The following PLEC variants were observed in gnomAD, a reference collection of about 807,000 sequenced individuals.
The protein encoded by PLEC is plectin, also known as hemidesmosomal protein 1.
PLEC carries 216 observed loss-of-function variants against 392.8 expected under a neutral mutation model. That is an observed-to-expected ratio of 0.55 (90% CI 0.49 to 0.62). The LOEUF (loss-of-function observed/expected upper bound fraction) is 0.62, where lower values mean the gene tolerates loss of function less well. PLEC is among the 20% of genes least tolerant of loss of function. The probability of loss-of-function intolerance (pLI) is 0.00; values close to 1 mark genes in which losing one functional copy is unlikely to be tolerated. For missense variants in PLEC, 6,863 were observed against 6,563.4 expected (o/e 1.05, Z -1.58); for synonymous variants, 3,621 against 2,980.6 (o/e 1.21, Z -7.00).
chr8:143,959,407 C>T (rs569629740), intron 1 of PLEC, among the ~76,000 whole-genome samples: 139 of 152,372 alleles, frequency 9.1e-4, no homozygotes, highest in Non-Finnish European at 1.6e-3. Flanking sequence ...TCGGTCAGAG[C>T]TGATGCAGGG....
intron 1 of PLEC, among the ~76,000 whole-genome samples, chr8:143,948,951 C>T (rs62523989): frequency 7.9e-5 from 12 of 152,226 alleles, no homozygotes; most frequent in South Asian, 6.2e-4. Context: ...TCTCATGCCT[C>T]CTGTCGGGAG....
At position 143,930,534 on chromosome 8, in the gene PLEC, G is replaced by A. The variant is rs781821809; in HGVS notation, c.2307C>T (p.Asp769=). Residue 769 remains aspartate (D), a splice_region_variant and synonymous_variant, in exon 20 of 32, where the codon GAC becomes GAT. Coordinates refer to ENST00000345136, the MANE Select transcript of PLEC (RefSeq NM_201384.3). ...TGTACTCGTTCAGCTGTTCCTTCTCGTCCTGTGGGGGAGGGGCAGCATCCA... is the reference window on the plus strand; with the variant it reads ...TGTACTCGTTCAGCTGTTCCTTCTCATCCTGTGGGGGAGGGGCAGCATCCA... ...RLEDLLQDAQ[D]EKEQLNEYKG... is the part of the protein sequence containing the mutation. 4.0e-5 allele frequency: 64 copies of A among 1,588,290 alleles called. No homozygotes were observed. The South Asian group carries it at 4.8e-4, about 12-fold the overall frequency.
In PLEC at chr8:143,922,735, G is replaced by C. The variant is rs541134948; in HGVS notation, c.7194C>G (p.Arg2398=). The change falls in exon 31 of 32, where the codon CGC becomes CGG. Residue 2398 remains arginine (R), a synonymous_variant. Coordinates refer to ENST00000345136, the MANE Select transcript of PLEC (RefSeq NM_201384.3). ...RVAEMSRAQA[R]AEEDAQRFRK... ...GGAAGCGCTGGGCGTCCTCCTCAGC[G>C]CGGGCCTGGGCTCGGCTCATCTCGG... The C allele has an allele frequency of 1.2e-6, 2 of 1,610,808 alleles. No homozygotes were observed. The highest frequency in any genetic ancestry group is 2.7e-5 in the African/African-American group (2 of 74,858).
At position 143,969,867 on chromosome 8, in the gene PLEC, G is replaced by T. The variant is rs1833327837; in HGVS notation, c.70+3536C>A. On this transcript the variant is annotated intron_variant, in intron 1 of 31. Coordinates refer to the PLEC transcript ENST00000356346. This position sits in a 1 kb window ranked among gnomAD's most constrained non-coding sequence, Gnocchi z 5.1. ...GAATGAGGCCGGGGTGAGTACCGTT[G>T]GTGAGTGGGTGGCGTTGGTGTGGGG... Among the ~76,000 whole-genome samples, 1 of 151,928 alleles carries T rather than the reference G, an allele frequency of 6.6e-6. No homozygotes were observed. Among genetic ancestry groups the T allele is most frequent in the Non-Finnish European group, 1.5e-5 (1 of 67,942 alleles).
upstream of PLEC, among the ~76,000 whole-genome samples, chr8:143,942,790 G>A (rs782391313): frequency 6.6e-6 from 1 of 152,228 alleles, no homozygotes. Flanking sequence ...ATGGGAGGGG[G>A]CCTCCCAGCA....
chr8:143,925,365 T>C lies in PLEC; in HGVS notation c.4564A>G (p.Lys1522Glu). 1 of 1,558,342 alleles carries C rather than the reference T, an allele frequency of 6.4e-7. No homozygotes were observed. The highest frequency in any genetic ancestry group is 1.2e-5 in the South Asian group (1 of 86,770). ...TCGCGCGCCGCCTCGGCCTCGGCCT[T>C]CACGCGCGAGGCCAGCTCCACCTCC... ...QAEVELASRV[K>E]AEAEAAREKQ... The change falls in exon 31 of 32, where the codon AAG becomes GAG. Residue 1522 changes from lysine (K) to glutamate (E), a missense_variant. By Grantham distance (56) the Lys-to-Glu change is moderately conservative. Coordinates refer to ENST00000345136, the MANE Select transcript of PLEC (RefSeq NM_201384.3).
At position 143,919,511 on chromosome 8, in the gene PLEC, C is replaced by T; in HGVS notation, c.10310G>A (p.Arg3437Lys). Residue 3437 changes from arginine to lysine, a missense_variant, in exon 32 of 32, where the codon AGA becomes AAA. Physicochemically the swap from Arg to Lys is conservative, Grantham distance 26. Coordinates refer to ENST00000345136, the MANE Select transcript of PLEC (RefSeq NM_201384.3). Reference sequence around the variant, plus strand: ...GATGGTGCTGCCCGAGTAGGGGTCTCTGTAGCCGGTGACGGCCTTCTCGGC... The same window carrying T: ...GATGGTGCTGCCCGAGTAGGGGTCTTTGTAGCCGGTGACGGCCTTCTCGGC... Reference protein sequence around the residue: ...LSAEKAVTGYRDPYSGSTISL... With the variant: ...LSAEKAVTGYKDPYSGSTISL... The T allele has an allele frequency of 6.2e-7, 1 of 1,612,606 alleles. No individual in the cohort carries two copies. The highest frequency in any genetic ancestry group is 2.2e-5 in the East Asian group (1 of 44,868).
rs996347826 is a variant in PLEC, at chr8:143,933,407, G to A, written c.1264-56C>T. On this transcript the variant is annotated intron_variant, in intron 12 of 31. Coordinates refer to ENST00000345136, the MANE Select transcript of PLEC (RefSeq NM_201384.3). ...AGCTGATCCCCCTCTGACCTCACAG[G>A]GGCCCCGGCCAAGACGGCCACCCTC... 4 of 1,599,476 alleles carry A rather than the reference G, an allele frequency of 2.5e-6. No homozygotes were observed. The African/African-American group carries it at 5.3e-5, about 21-fold the overall frequency.
chr8:143,922,901 G>T lies in PLEC; in HGVS notation c.7028C>A (p.Ala2343Glu). 1 of 1,590,414 alleles carries T rather than the reference G, an allele frequency of 6.3e-7. No individual in the cohort carries two copies. The highest frequency in any genetic ancestry group is 8.6e-7 in the Non-Finnish European group (1 of 1,169,058). The part of the protein sequence containing the change: ...QQQKELAQEQ[A>E]RRLQEDKEQM... The stretch of plus-strand genomic sequence containing the variant: ...CTCCTTGTCCTCCTGCAGCCGCCGC[G>T]CCTGCTCCTGCGCAAGCTCCTTCTG... The change falls in exon 31 of 32, where the codon GCG becomes GAG. Residue 2343 changes from alanine (A) to glutamate (E), a missense_variant. Coordinates refer to ENST00000345136, the MANE Select transcript of PLEC (RefSeq NM_201384.3).
upstream of PLEC, among the ~76,000 whole-genome samples, chr8:143,956,737 C>T (rs1554739358): frequency 6.6e-6 from 1 of 152,162 alleles, no homozygotes; most frequent in African/African-American, 2.4e-5. Context: ...TGGTCTCCCG[C>T]AGCCAGAGGC....
chr8:143,922,803 G>C lies in PLEC; in HGVS notation c.7126C>G (p.Leu2376Val), dbSNP rs2131280353. 6.3e-7 allele frequency: 1 copy of C among 1,584,482 alleles called. No homozygotes were observed. The highest frequency in any genetic ancestry group is 1.3e-5 in the African/African-American group (1 of 74,276). Reference protein sequence around the residue: ...RTLEAERQRQLEMSAEAERLK... With the variant: ...RTLEAERQRQVEMSAEAERLK... The stretch of plus-strand genomic sequence containing the variant: ...CGCTCAGCCTCAGCGCTCATCTCCA[G>C]CTGCCGCTGCCGCTCGGCCTCCAGC... Residue 2376 changes from leucine to valine, a missense_variant, in exon 31 of 32, where the codon CTG becomes GTG. Coordinates refer to ENST00000345136, the MANE Select transcript of PLEC (RefSeq NM_201384.3).
intron 1 of PLEC, among the ~76,000 whole-genome samples, chr8:143,968,310 C>G (rs1833221478): frequency 1.3e-5 from 2 of 151,928 alleles, no homozygotes; most frequent in South Asian, 4.2e-4. Context: ...ACACCACCGG[C>G]CAGGTGAGGT....
chr8:143,932,753 C>T lies in PLEC; in HGVS notation c.1737+40G>A, dbSNP rs782178802. 3.0e-5 allele frequency: 49 copies of T among 1,608,852 alleles called. 1 individual carries two copies. In the Admixed American group the frequency reaches 7.0e-4, roughly 23 times the overall value. ...CGGTGAGGTCTGCAGTGGCTGGGCC[C>T]GGCCCACCCCCGCACTGCCCATCGC... On this transcript the variant is annotated intron_variant, in intron 14 of 31. Coordinates refer to ENST00000345136, the MANE Select transcript of PLEC (RefSeq NM_201384.3).
chr8:143,931,297 C>T (rs1025281711), intron 19 of PLEC, among the ~76,000 whole-genome samples: 1 of 108,714 alleles, frequency 9.2e-6, no homozygotes, highest in East Asian at 2.3e-4. Context: ...GACCTCTACA[C>T]CTCCCATGGT....
intron 1 of PLEC, among the ~76,000 whole-genome samples, chr8:143,945,846 C>T (rs1184628964): frequency 6.6e-6 from 1 of 152,256 alleles, no homozygotes; most frequent in Non-Finnish European, 1.5e-5. Context: ...CCCCACACCT[C>T]AAAAACGTGC....
rs782646171 is a variant in PLEC, at chr8:143,925,229, AG to A, written c.4699del (p.Leu1567TrpfsTer149). 1 of 1,587,596 alleles carries A rather than the reference AG, an allele frequency of 6.3e-7. No individual in the cohort carries two copies. Among genetic ancestry groups the A allele is most frequent in the South Asian group, 1.1e-5 (1 of 89,936 alleles). ...CTCTGCACTGCGCTGCGCCGTCTCC[AG>A]GGCCACCTGTACCTGCCGCGCTCGC... ...VERARQVQVA[L>X]ETAQRSAEAE... On this transcript the variant is annotated frameshift_variant, in exon 31 of 32. Coordinates refer to ENST00000345136, the MANE Select transcript of PLEC (RefSeq NM_201384.3). LOFTEE classifies it high-confidence loss of function.
chr8:143,969,042 A>G lies in PLEC; in HGVS notation c.70+4361T>C, dbSNP rs1554743266. Among the ~76,000 whole-genome samples the G allele has an allele frequency of 6.6e-6, 1 of 152,208 alleles. No individual in the cohort carries two copies. Among genetic ancestry groups the G allele is most frequent in the African/African-American group, 2.4e-5 (1 of 41,448 alleles). ...GCAGAAATAAAAAACATACGACCAC[A>G]CAAAAACGTGTATGCAAACGTCCAT... On this transcript the variant is annotated intron_variant, in intron 1 of 31. Coordinates refer to the PLEC transcript ENST00000356346. This position sits in a 1 kb window ranked among gnomAD's most constrained non-coding sequence, Gnocchi z 5.1.
rs1554705831 is a variant in PLEC at position 143,926,791 on chromosome 8, T to A, written c.4037A>T (p.Glu1346Val). 1 of 1,613,202 alleles carries A rather than the reference T, an allele frequency of 6.2e-7. No individual in the cohort carries two copies. The highest frequency in any genetic ancestry group is 1.3e-5 in the African/African-American group (1 of 74,918). ...CCGCCCAACGGGCTGTACCTCCTCC[T>A]CCTCCATGCGCCGCAGAGTCTCGCT... ...FISETLRRME[E>V]EERLAEQQRA... Residue 1346 changes from glutamate to valine, a missense_variant, in exon 30 of 32, where the codon GAG (glutamate) becomes GTG (valine). Coordinates refer to ENST00000345136, the MANE Select transcript of PLEC (RefSeq NM_201384.3).
Position 143,927,702 on chromosome 8 carries a change from C to T in PLEC, c.3464G>A (p.Gly1155Glu), listed in dbSNP as rs1825727981. The T allele has an allele frequency of 6.3e-7, 1 of 1,585,452 alleles. No homozygotes were observed. The change falls in exon 27 of 32, where the codon GGG (glycine) becomes GAG (glutamate). Residue 1155 changes from glycine (G) to glutamate (E), a missense_variant. Gly to Glu is a moderately conservative substitution (Grantham distance 98, BLOSUM62 -2). Coordinates refer to ENST00000345136, the MANE Select transcript of PLEC (RefSeq NM_201384.3). ...TFDALRDELR[G>E]AQEVGERLQQ... ...CAGTCGCTCCCCCACCTCCTGTGCC[C>T]CCCGCAGCTCATCCCGCAGGGCGTC... is the stretch of plus-strand genomic sequence containing the variant.
Sources: allele counts gnomAD v4.1 joint callset (sites outside exome capture counted in the v4.1 genomes callset), GRCh38; gene constraint gnomAD v4.1.1; non-coding constraint Gnocchi (gnomAD v3.1); transcripts MANE v1.5; gene names NCBI Gene and HGNC (gene_info 2026-07-23, HGNC 2026-07-21).